The following RALGAPA2 variants were observed in gnomAD, a reference collection of about 807,000 sequenced individuals.
RALGAPA2 encodes Ral GTPase activating protein catalytic subunit alpha 2.
Under a neutral mutation model 230.4 loss-of-function variants are expected in RALGAPA2, and 139 were observed. That is an observed-to-expected ratio of 0.60 (90% CI 0.53 to 0.69). The LOEUF (loss-of-function observed/expected upper bound fraction) is 0.69. RALGAPA2 is among the 30% of genes least tolerant of loss of function. The pLI, the probability that RALGAPA2 is intolerant of heterozygous loss-of-function variation, is 0.00. For missense variants in RALGAPA2, 2,163 were observed against 2,276.0 expected (o/e 0.95, Z 1.01); for synonymous variants, 847 against 837.8 (o/e 1.01, Z -0.19).
chr20:20,526,137 T>C (rs2063194760), intron 28 of RALGAPA2, 115 bp downstream of exon 28: 1 of 819,266 alleles, frequency 1.2e-6, no homozygotes, highest in African/African-American at 1.7e-5. Context: ...GAGTGACTTG[T>C]GGCAATTTAA....
intron 37 of RALGAPA2, among the ~76,000 whole-genome samples, chr20:20,461,346 AT>A (rs1371492905): frequency 1.3e-5 from 2 of 152,210 alleles, no homozygotes; most frequent in African/African-American, 4.8e-5. Context: ...TGATATTCTT[AT>A]TAAAATTGGT....
intron 26 of RALGAPA2, 44 bp from the exon 27 acceptor site, chr20:20,531,839 AAT>A: frequency 7.2e-7 from 1 of 1,381,666 alleles, no homozygotes; most frequent in Non-Finnish European, 1.0e-6. Context: ...CATGAAACTT[AAT>A]ATACTTTCTC....
intron 10 of RALGAPA2, among the ~76,000 whole-genome samples, chr20:20,622,099 T>C (rs2066341961): frequency 6.6e-6 from 1 of 151,970 alleles, no homozygotes; most frequent in Non-Finnish European, 1.5e-5. Flanking sequence ...TCAGTGTATA[T>C]GAGATGGACA....
intron 31 of RALGAPA2, among the ~76,000 whole-genome samples, chr20:20,518,566 T>C (rs904269519): frequency 2.6e-5 from 4 of 152,238 alleles, no homozygotes; most frequent in African/African-American, 7.2e-5. Flanking sequence ...TTAGTTAATA[T>C]GTCAGTGAAT....
chr20:20,550,197 A>G (rs566236257), intron 23 of RALGAPA2, among the ~76,000 whole-genome samples: 3 of 152,160 alleles, frequency 2.0e-5, no homozygotes, highest in Admixed American at 2.0e-4. Flanking sequence ...GCCTCTGCGT[A>G]CTCAGAACTT....
chr20:20,683,243 C>T (rs2068585121), intron 1 of RALGAPA2, among the ~76,000 whole-genome samples: 1 of 152,186 alleles, frequency 6.6e-6, no homozygotes, highest in Non-Finnish European at 1.5e-5. Flanking sequence ...AACCCTCACA[C>T]AGGCTGTGAC....
chr20:20,607,940 G>A (rs188285386), intron 14 of RALGAPA2, among the ~76,000 whole-genome samples: 2 of 152,244 alleles, frequency 1.3e-5, no homozygotes, highest in East Asian at 3.9e-4. Flanking sequence ...GGTGGTGAGT[G>A]GTGGCACCTG....
intron 12 of RALGAPA2, among the ~76,000 whole-genome samples, chr20:20,618,544 G>A (rs1362655403): frequency 6.6e-6 from 1 of 151,996 alleles, no homozygotes; most frequent in Non-Finnish European, 1.5e-5. Context: ...TTAGAAAAAT[G>A]CATGTCATTC....
At chr20:20,604,369 G>A (rs1194344694) in intron 15 of RALGAPA2, among the ~76,000 whole-genome samples, 14 of 152,174 alleles carry the variant, frequency 9.2e-5, no homozygotes, top group Non-Finnish European at 1.3e-4. Context: ...TTCATTTGAG[G>A]TTCTCAGTCC....
intron 12 of RALGAPA2, 94 bp downstream of exon 12, chr20:20,619,183 T>C (rs2146337599): frequency 1.7e-6 from 2 of 1,210,600 alleles, no homozygotes; most frequent in East Asian, 2.9e-5. Context: ...AATACCACCA[T>C]ACTTTATATG....
Position 20,631,642 on chromosome 20 carries a change from G to T in RALGAPA2, c.1006-2052C>A, listed in dbSNP as rs117829708. Among the ~76,000 whole-genome samples the T allele has an allele frequency of 1.6e-4, 24 of 152,280 alleles. No individual in the cohort carries two copies. In the East Asian group the frequency reaches 4.4e-3, roughly 28 times the overall value. Reference sequence around the variant, plus strand: ...GAACCTTGAGAAGGAACACAGATCTGCCAATAACTTGATTTTGGATTTCTG... The same window carrying T: ...GAACCTTGAGAAGGAACACAGATCTTCCAATAACTTGATTTTGGATTTCTG... On this transcript the variant is annotated intron_variant, in intron 9 of 39. Coordinates refer to ENST00000202677, the MANE Select transcript of RALGAPA2 (RefSeq NM_020343.4).
intron 37 of RALGAPA2, among the ~76,000 whole-genome samples, chr20:20,447,391 A>C (rs559175017): frequency 5.3e-5 from 8 of 152,298 alleles, no homozygotes; most frequent in African/African-American, 1.9e-4. Context: ...ACAACACTAA[A>C]GGAAAAAGAT....
intron 23 of RALGAPA2, among the ~76,000 whole-genome samples, chr20:20,548,915 A>T (rs1398459579): frequency 6.6e-6 from 1 of 152,204 alleles, no homozygotes; most frequent in African/African-American, 2.4e-5. Flanking sequence ...TGTTGCAATG[A>T]AAGGATTCGT....
intron 16 of RALGAPA2, among the ~76,000 whole-genome samples, chr20:20,594,618 G>T (rs1234243247): frequency 1.3e-5 from 2 of 151,462 alleles, no homozygotes; most frequent in Admixed American, 1.3e-4. Context: ...ACCAAATAAT[G>T]TACTCTCTCT....
At chr20:20,698,741 A>C (rs944192989) in intron 1 of RALGAPA2, among the ~76,000 whole-genome samples, 3 of 152,192 alleles carry the variant, frequency 2.0e-5, no homozygotes, top group African/African-American at 7.2e-5. Context: ...CACATCAATA[A>C]AAAAAATTAA....
At chr20:20,484,639 G>A (rs1280379891) in intron 36 of RALGAPA2, among the ~76,000 whole-genome samples, 1 of 152,102 alleles carries the variant, frequency 6.6e-6, no homozygotes, top group Non-Finnish European at 1.5e-5. Context: ...ATTCTCCTTT[G>A]ATGCCTTTGG....
At chr20:20,451,335 T>G (rs1046345228) in intron 37 of RALGAPA2, among the ~76,000 whole-genome samples, 3 of 152,138 alleles carry the variant, frequency 2.0e-5, no homozygotes, top group African/African-American at 7.2e-5. Context: ...AAATGAAACA[T>G]CAATTCTGAG....
At position 20,712,276 on chromosome 20, in the gene RALGAPA2, C is replaced by A; in HGVS notation, c.106+99G>T. 32 of 908,740 alleles carry A rather than the reference C, an allele frequency of 3.5e-5. No homozygotes were observed. Among genetic ancestry groups the A allele is most frequent in the Non-Finnish European group, 4.4e-5 (28 of 637,690 alleles). The allele number at this position is 908,740 out of a possible 1,614,324, so 56.3% of individuals were successfully genotyped here. ...GGGTCGGACGCCCACCCATCCCCCT[C>A]CCCAGCCTCCCAGCCACCGACCCCT... On this transcript the variant is annotated intron_variant, in intron 1 of 39. Coordinates refer to ENST00000202677, the MANE Select transcript of RALGAPA2 (RefSeq NM_020343.4). The surrounding 1 kb of genome is among the most constrained non-coding windows in gnomAD (Gnocchi z 5.5).
chr20:20,411,818 C>T (rs1051998368), intron 38 of RALGAPA2, among the ~76,000 whole-genome samples: 1 of 152,178 alleles, frequency 6.6e-6, no homozygotes, highest in African/African-American at 2.4e-5. Flanking sequence ...TGAAGGTTAA[C>T]AGGATAGCTG....
Sources: allele counts gnomAD v4.1 joint callset (sites outside exome capture counted in the v4.1 genomes callset), GRCh38; gene constraint gnomAD v4.1.1; non-coding constraint Gnocchi (gnomAD v3.1); transcripts MANE v1.5; gene names NCBI Gene and HGNC (gene_info 2026-07-23, HGNC 2026-07-21).